The following ACSBG2 variants were observed in gnomAD, a reference collection of about 807,000 sequenced individuals.
The protein encoded by ACSBG2 is long-chain-fatty-acid--CoA ligase ACSBG2.
A neutral mutation model predicts 74.7 loss-of-function variants in ACSBG2; 62 were observed. The observed-to-expected ratio is 0.83, with a 90% confidence interval of 0.68 to 1.03. The LOEUF (loss-of-function observed/expected upper bound fraction) is 1.03, where lower values mean the gene tolerates loss of function less well. Ranked by LOEUF, ACSBG2 falls within the 50% of genes least tolerant of loss-of-function variation. ACSBG2 has a pLI of 0.00. For missense variants in ACSBG2, 730 were observed against 817.6 expected (o/e 0.89, Z 1.31); for synonymous variants, 309 against 294.1 (o/e 1.05, Z -0.52).
rs1407806071 is a variant in ACSBG2 at position 6,165,950 on chromosome 19, G to A, written c.673G>A (p.Ala225Thr). ...CGAGAGCCAGAAGGCGAATCAATGC[G>A]CAGTGCTCATCTACACTTCAGGGAC... ...VIESQKANQC[A>T]VLIYTSGTTG... is the part of the protein sequence containing the mutation. Residue 225 changes from alanine to threonine, a missense_variant, in exon 7 of 15, where the codon GCA (alanine) becomes ACA (threonine). Coordinates refer to ENST00000588485, the MANE Select transcript of ACSBG2 (RefSeq NM_030924.5). 1.1e-5 allele frequency: 17 copies of A among 1,613,890 alleles called. No homozygotes were observed. Among genetic ancestry groups the A allele is most frequent in the East Asian group, 2.2e-5 (1 of 44,868 alleles).
intron 2 of ACSBG2, among the ~76,000 whole-genome samples, chr19:6,142,533 A>G (rs940706405): frequency 1.3e-5 from 2 of 152,046 alleles, no homozygotes; most frequent in African/African-American, 2.4e-5. Context: ...CAGGCGGATC[A>G]CGAGGTCAGG....
intron 2 of ACSBG2, among the ~76,000 whole-genome samples, chr19:6,143,397 CA>C (rs2088918760): frequency 6.6e-6 from 1 of 151,366 alleles, no homozygotes; most frequent in Non-Finnish European, 1.5e-5. Flanking sequence ...AAAACAAAAA[CA>C]AAAACAAAAA....
chr19:6,139,283 G>A (rs1300640347), intron 1 of ACSBG2, among the ~76,000 whole-genome samples: 1 of 151,944 alleles, frequency 6.6e-6, no homozygotes, highest in African/African-American at 2.4e-5. Flanking sequence ...TAGAGACAGG[G>A]TTTCACCATG....
intron 1 of ACSBG2, among the ~76,000 whole-genome samples, chr19:6,138,016 A>G (rs7256965): frequency 0.14 from 20,571 of 152,168 alleles, 2,903 homozygotes; most frequent in African/African-American, 0.37. Context: ...AGAGCTGATC[A>G]TAACATAAGC....
At chr19:6,142,709 T>C (rs4340431) in intron 2 of ACSBG2, among the ~76,000 whole-genome samples, 85,821 of 147,126 alleles carry the variant, frequency 0.58, 26,045 homozygotes, top group Admixed American at 0.68. Flanking sequence ...GCCGAGATCA[T>C]GCCACTGCAC....
chr19:6,147,552 A>G lies in ACSBG2; in HGVS notation c.174A>G (p.Arg58=). ...CGATGACCATCCCTGAATTTTTTCG[A>G]GAGTCAGTCAACCGATTTGGAACTT... ...ETPMTIPEFF[R]ESVNRFGTYP... The change falls in exon 3 of 15, where the codon CGA becomes CGG. Residue 58 remains arginine, a synonymous_variant. Transcript: ENST00000588485. 6.2e-7 allele frequency: 1 copy of G among 1,614,180 alleles called. No individual in the cohort carries two copies.
intron 4 of ACSBG2, among the ~76,000 whole-genome samples, chr19:6,154,433 AAAAT>A (rs2089348456): frequency 2.1e-5 from 1 of 47,764 alleles, no homozygotes; most frequent in Non-Finnish European, 6.4e-5. Flanking sequence ...AGAGAGAGAG[AAAAT>A]TATTATTATA....
chr19:6,173,708 T>C (rs1211416796), intron 7 of ACSBG2, among the ~76,000 whole-genome samples: 3 of 152,318 alleles, frequency 2.0e-5, no homozygotes, highest in Admixed American at 6.5e-5. Flanking sequence ...TTTGATCTTC[T>C]TCCTGAAAAC....
chr19:6,156,017 T>C (rs984763108), intron 4 of ACSBG2, among the ~76,000 whole-genome samples: 28 of 151,760 alleles, frequency 1.8e-4, no homozygotes, highest in Middle Eastern at 3.4e-3. Flanking sequence ...TCAATGTCAT[T>C]ATCCATTGGG....
chr19:6,169,926 T>C (rs1210862270), intron 7 of ACSBG2, among the ~76,000 whole-genome samples: 3 of 152,218 alleles, frequency 2.0e-5, no homozygotes, highest in African/African-American at 7.2e-5. Context: ...TGTACATTGA[T>C]TTTGTATCCT....
rs748026402 is a variant in ACSBG2 at position 6,187,359 on chromosome 19, C to A, written c.1617C>A (p.Ile539=). 54 of 1,614,038 alleles carry A rather than the reference C, an allele frequency of 3.3e-5. No individual in the cohort carries two copies. The highest frequency in any genetic ancestry group is 4.6e-5 in the Non-Finnish European group (54 of 1,180,042). The change falls in exon 12 of 15, where the codon ATC becomes ATA. Residue 539 remains isoleucine (I), a synonymous_variant. Transcript: ENST00000588485. ...VETLVKKKIP[I]ISNAMLVGDK... is the part of the protein sequence containing the mutation. ...CCTTGGTTAAGAAGAAGATCCCCAT[C>A]ATCAGTAACGCCATGTTAGTAGGAG...
In ACSBG2 at chr19:6,174,036, A is replaced by T. The variant is rs2145190120; in HGVS notation, c.739-3193A>T. ...ACTGCAACCTCTGCCTCCCAATTTC[A>T]AGCGATTCCCCCACCTCAGCCTCCT... On this transcript the variant is annotated intron_variant, in intron 7 of 14. Coordinates refer to ENST00000588485, the MANE Select transcript of ACSBG2 (RefSeq NM_030924.5). The surrounding 1 kb of genome is among the most constrained non-coding windows in gnomAD (Gnocchi z 4.2). Among the ~76,000 whole-genome samples the T allele has an allele frequency of 6.6e-6, 1 of 151,132 alleles. No homozygotes were observed. The highest frequency in any genetic ancestry group is 1.9e-4 in the East Asian group (1 of 5,148).
At chr19:6,154,868 G>A (rs1007817880) in intron 4 of ACSBG2, among the ~76,000 whole-genome samples, 19 of 152,232 alleles carry the variant, frequency 1.2e-4, no homozygotes, top group African/African-American at 4.6e-4. Flanking sequence ...TGGTAAGACA[G>A]TGTCATGCAG....
intron 3 of ACSBG2, among the ~76,000 whole-genome samples, 154 bp downstream of exon 3, chr19:6,147,829 G>T (rs2089091991): frequency 6.6e-6 from 1 of 152,098 alleles, no homozygotes; most frequent in African/African-American, 2.4e-5. Flanking sequence ...CAGCCACTCA[G>T]TTCCTCTCTG....
At chr19:6,145,533 C>T (rs2088999738) in intron 2 of ACSBG2, among the ~76,000 whole-genome samples, 2 of 152,052 alleles carry the variant, frequency 1.3e-5, no homozygotes, top group Non-Finnish European at 2.9e-5. Flanking sequence ...CCCCAGTAGA[C>T]CAGGTTCAGT....
intron 1 of ACSBG2, among the ~76,000 whole-genome samples, chr19:6,138,401 A>G (rs1364720711): frequency 6.9e-6 from 1 of 144,654 alleles, no homozygotes; most frequent in African/African-American, 2.6e-5. Context: ...AGGCGGAGAG[A>G]GTGGATCCCA....
intron 5 of ACSBG2, 72 bp downstream of exon 5, chr19:6,156,623 T>C: frequency 1.4e-6 from 2 of 1,418,856 alleles, no homozygotes; most frequent in Non-Finnish European, 9.3e-7. Context: ...GGTGTTCTTT[T>C]TTTCCCAGGT....
chr19:6,173,301 C>T (rs753285001), intron 7 of ACSBG2, among the ~76,000 whole-genome samples: 4 of 152,160 alleles, frequency 2.6e-5, no homozygotes, highest in Non-Finnish European at 5.9e-5. Flanking sequence ...AGAGAATCCC[C>T]AGGCAGGGCA....
chr19:6,159,095 C>T (rs1294146966), intron 5 of ACSBG2, among the ~76,000 whole-genome samples: 4 of 152,094 alleles, frequency 2.6e-5, no homozygotes, highest in Non-Finnish European at 5.9e-5. Flanking sequence ...GTAGCTGGGA[C>T]TACAGGTGCA....
Sources: gnomAD v4.1 joint callset for allele counts (sites outside exome capture counted in the v4.1 genomes callset) on GRCh38, gnomAD v4.1.1 for gene constraint, Gnocchi (gnomAD v3.1) non-coding constraint, MANE v1.5 for transcripts, NCBI Gene and HGNC (gene_info 2026-07-23, HGNC 2026-07-21) for gene names.